The following THSD7B variants were observed in gnomAD, a reference collection of about 807,000 sequenced individuals.
The protein encoded by THSD7B is thrombospondin type 1 domain containing 7B, also known as thrombospondin type-1 domain-containing protein 7B.
A neutral mutation model predicts 213.6 loss-of-function variants in THSD7B; 138 were observed. The ratio of observed to expected loss-of-function variants is 0.65; its 90% CI spans 0.56 to 0.74. The LOEUF (loss-of-function observed/expected upper bound fraction) is 0.74, where lower values mean the gene tolerates loss of function less well. THSD7B is among the 30% of genes least tolerant of loss of function. The pLI is 0.00. For synonymous variants in THSD7B, 742 were observed against 687.0 expected (o/e 1.08, Z -1.25); for missense variants, 1,931 against 1,991.5 (o/e 0.97, Z 0.58).
intron 1 of THSD7B, among the ~76,000 whole-genome samples, chr2:136,812,048 C>T (rs536762404): frequency 4.6e-5 from 7 of 152,274 alleles, no homozygotes; most frequent in African/African-American, 1.4e-4. Context: ...TTATTAAGTG[C>T]AATAGACAGC....
chr2:137,620,680 A>G lies in THSD7B; in HGVS notation c.3753A>G (p.Ser1251=). ...LVECVVNCQL[S]GWTAWTECSQ... ...AATGCGTGGTCAACTGTCAGCTCTCAGGGTGGACGGCTTGGACAGAGTGTT... is the reference window on the plus strand; with the variant it reads ...AATGCGTGGTCAACTGTCAGCTCTCGGGGTGGACGGCTTGGACAGAGTGTT... Residue 1251 remains serine (S), a synonymous_variant, in exon 20 of 28, where the codon TCA becomes TCG. Transcript: ENST00000409968. 6.2e-7 allele frequency: 1 copy of G among 1,613,980 alleles called. No homozygotes were observed. The highest frequency in any genetic ancestry group is 8.5e-7 in the Non-Finnish European group (1 of 1,179,842).
intron 15 of THSD7B, among the ~76,000 whole-genome samples, chr2:137,488,167 GA>G (rs1265400818): frequency 6.6e-6 from 1 of 152,080 alleles, no homozygotes; most frequent in Non-Finnish European, 1.5e-5. Context: ...GACTGCATTG[GA>G]ACTAAAAAGG....
intron 26 of THSD7B, among the ~76,000 whole-genome samples, chr2:137,667,327 T>G (rs1683469458): frequency 6.6e-6 from 1 of 151,938 alleles, no homozygotes; most frequent in Non-Finnish European, 1.5e-5. Flanking sequence ...TATGACTGAC[T>G]TATGCGTGTC....
At chr2:137,176,531 T>A (rs1680360336) in intron 7 of THSD7B, among the ~76,000 whole-genome samples, 1 of 152,180 alleles carries the variant, frequency 6.6e-6, no homozygotes, top group African/African-American at 2.4e-5. Context: ...GCAATGCAGA[T>A]TCAGAGAAAT....
chr2:136,916,978 T>A (rs1028771421), intron 2 of THSD7B, among the ~76,000 whole-genome samples: 1 of 152,180 alleles, frequency 6.6e-6, no homozygotes. Flanking sequence ...AAAGACAGCA[T>A]TATTATGAGG....
intron 3 of THSD7B, among the ~76,000 whole-genome samples, chr2:137,060,161 A>T (rs1687244856): frequency 6.6e-6 from 1 of 152,124 alleles, no homozygotes; most frequent in Admixed American, 6.5e-5. Flanking sequence ...ATCTGTATAT[A>T]TTATTTGATA....
intron 12 of THSD7B, among the ~76,000 whole-genome samples, chr2:137,380,569 C>T (rs1685751187): frequency 6.6e-6 from 1 of 152,132 alleles, no homozygotes; most frequent in Non-Finnish European, 1.5e-5. Context: ...GAAGACACTC[C>T]CCTGCTGGCT....
intron 12 of THSD7B, among the ~76,000 whole-genome samples, chr2:137,279,076 G>A (rs919188151): frequency 1.1e-4 from 16 of 151,914 alleles, no homozygotes; most frequent in Admixed American, 7.2e-4. Flanking sequence ...ATTGGCTAAC[G>A]GAGCTATATG....
At chr2:137,612,509 A>G (rs1682307491) in intron 17 of THSD7B, among the ~76,000 whole-genome samples, 1 of 152,198 alleles carries the variant, frequency 6.6e-6, no homozygotes, top group Admixed American at 6.5e-5. Context: ...ACTCAGTAAC[A>G]TGGTCACTTA....
At chr2:137,621,717 G>A (rs1026988702) in intron 20 of THSD7B, among the ~76,000 whole-genome samples, 2 of 152,148 alleles carry the variant, frequency 1.3e-5, no homozygotes, top group African/African-American at 4.8e-5. Flanking sequence ...TAAGGACCTA[G>A]GGAGAAATCC....
chr2:136,912,525 T>C (rs1466981243), intron 2 of THSD7B, among the ~76,000 whole-genome samples: 1 of 152,050 alleles, frequency 6.6e-6, no homozygotes, highest in East Asian at 1.9e-4. Context: ...AAATAGGTCA[T>C]AATAATATTA....
At chr2:136,923,660 G>A (rs776991707) in intron 2 of THSD7B, among the ~76,000 whole-genome samples, 3 of 152,106 alleles carry the variant, frequency 2.0e-5, no homozygotes, top group Admixed American at 6.6e-5. Flanking sequence ...TAATGGGGGC[G>A]AGGTGTTATC....
intron 17 of THSD7B, among the ~76,000 whole-genome samples, chr2:137,596,617 T>C (rs986237479): frequency 1.3e-4 from 20 of 152,078 alleles, no homozygotes; most frequent in African/African-American, 4.8e-4. Flanking sequence ...GTGAGAGTTG[T>C]GCTGTGAGTG....
chr2:137,561,628 G>A (rs923457913), intron 15 of THSD7B, among the ~76,000 whole-genome samples: 2 of 151,962 alleles, frequency 1.3e-5, no homozygotes, highest in African/African-American at 4.8e-5. Flanking sequence ...CTAAACCCTC[G>A]GCTGTCATCA....
intron 4 of THSD7B, among the ~76,000 whole-genome samples, chr2:137,104,969 T>C (rs963613202): frequency 2.6e-5 from 4 of 152,186 alleles, no homozygotes; most frequent in African/African-American, 9.7e-5. Flanking sequence ...AGCCGAATTC[T>C]ACCAGAGGTT....
Position 137,573,301 on chromosome 2 carries a change from G to A in THSD7B, c.3423+745G>A, listed in dbSNP as rs114344156. On this transcript the variant is annotated intron_variant, in intron 17 of 27. Transcript: ENST00000409968. ...ATTCAAACATTAGAAAGGAAAATTA[G>A]GATACTTTGAACTTGATTGTCATAG... Among the ~76,000 whole-genome samples the A allele has an allele frequency of 3.9e-3, 597 of 152,156 alleles. 5 individuals carry two copies. Among genetic ancestry groups the A allele is most frequent in the African/African-American group, 0.014 (574 of 41,552 alleles).
intron 25 of THSD7B, among the ~76,000 whole-genome samples, chr2:137,661,308 A>G (rs1037504828): frequency 6.6e-6 from 1 of 152,112 alleles, no homozygotes; most frequent in African/African-American, 2.4e-5. Flanking sequence ...GACTAATATA[A>G]AAGACCCATT....
chr2:137,340,599 C>T (rs1484232047), intron 12 of THSD7B, among the ~76,000 whole-genome samples: 1 of 151,782 alleles, frequency 6.6e-6, no homozygotes, highest in South Asian at 2.1e-4. Context: ...AAACCCCTGC[C>T]TCCATAATTG....
chr2:137,212,359 A>G lies in THSD7B; in HGVS notation c.1724-18685A>G, dbSNP rs953867711. Among the ~76,000 whole-genome samples, 13 of 152,186 alleles carry G rather than the reference A, an allele frequency of 8.5e-5. No homozygotes were observed. The East Asian group carries it at 1.9e-3, about 23-fold the overall frequency. On this transcript the variant is annotated intron_variant, in intron 7 of 27. Transcript: ENST00000409968. ...TTCAGAACTTATCTCAATGGTACAC[A>G]TAAGTTATTCTATCAGAATTATGAA... is the stretch of plus-strand genomic sequence containing the variant.
Sources: allele counts gnomAD v4.1 joint callset (sites outside exome capture counted in the v4.1 genomes callset), GRCh38; gene constraint gnomAD v4.1.1; transcripts MANE v1.5; gene names NCBI Gene and HGNC (gene_info 2026-07-23, HGNC 2026-07-21).